The following ZNF695 variants were observed in gnomAD, a reference collection of about 807,000 sequenced individuals.
ZNF695 encodes zinc finger protein 695, also known as zinc finger protein SBZF3.
In ZNF695, 11 loss-of-function variants were observed where a neutral mutation model predicts 11.2. That is an observed-to-expected ratio of 0.98 (90% CI 0.62 to 1.62). The LOEUF (loss-of-function observed/expected upper bound fraction) is 1.62, where lower values mean the gene tolerates loss of function less well. Ranked by LOEUF, ZNF695 falls within the 40% of genes most tolerant of loss-of-function variation. ZNF695 has a pLI of 0.00. For missense variants in ZNF695, 559 were observed against 590.5 expected (o/e 0.95, Z 0.55); for synonymous variants, 190 against 201.4 (o/e 0.94, Z 0.48).
At position 246,992,308 on chromosome 1, in the gene ZNF695, C is replaced by A. The variant is rs559851354; in HGVS notation, c.260-4053G>T. On this transcript the variant is annotated intron_variant, in intron 3 of 3. Coordinates refer to ENST00000339986, the MANE Select transcript of ZNF695 (RefSeq NM_020394.5). Reference sequence around the variant, plus strand: ...AATAAGCCAGGCACAGAAAGACAAACATTACATGCTCTCACTTATTTGTGG... The same window carrying A: ...AATAAGCCAGGCACAGAAAGACAAAAATTACATGCTCTCACTTATTTGTGG... Among the ~76,000 whole-genome samples, 32 of 152,108 alleles carry A rather than the reference C, an allele frequency of 2.1e-4. No homozygotes were observed. The South Asian group carries it at 6.6e-3, about 32-fold the overall frequency.
chr1:246,949,344 A>G (rs1667814419), intron 5 of ZNF695, among the ~76,000 whole-genome samples: 1 of 152,012 alleles, frequency 6.6e-6, no homozygotes, highest in Non-Finnish European at 1.5e-5. Flanking sequence ...TAACCCCCAC[A>G]CTTTGGGCGG....
At chr1:246,994,797 A>G (rs1275932789) in intron 3 of ZNF695, among the ~76,000 whole-genome samples, 3 of 152,052 alleles carry the variant, frequency 2.0e-5, no homozygotes, top group Non-Finnish European at 2.9e-5. Flanking sequence ...AGATAGCCCC[A>G]CTGCACTTCA....
intron 4 of ZNF695, chr1:246,979,767 C>G (rs192309634): frequency 5.2e-4 from 79 of 152,726 alleles, no homozygotes; most frequent in African/African-American, 1.9e-3. Flanking sequence ...ATCCCCATTA[C>G]TAAATAATTT....
intron 5 of ZNF695, among the ~76,000 whole-genome samples, chr1:246,954,353 C>T (rs1366053561): frequency 6.6e-6 from 1 of 152,188 alleles, no homozygotes; most frequent in East Asian, 1.9e-4. Context: ...GCCAGCTGTT[C>T]CAGGGGAAAG....
chr1:246,996,285 G>T lies in ZNF695; in HGVS notation c.259+3063C>A, dbSNP rs547486280. 3.2e-4 allele frequency: 86 copies of T among 271,400 alleles called. No homozygotes were observed. The East Asian group carries it at 6.8e-3, about 21-fold the overall frequency. The allele number at this position is 271,400 out of a possible 1,614,324, so 16.8% of individuals were successfully genotyped here. On this transcript the variant is annotated intron_variant, in intron 3 of 3. Transcript: ENST00000339986. ...ATGGGAGATCACTTGAATCTGGAAG[G>T]TGGAGGCTGCAGTGAGCTGAAGTCG...
At chr1:246,992,229 G>T (rs1431564553) in intron 3 of ZNF695, among the ~76,000 whole-genome samples, 1 of 152,152 alleles carries the variant, frequency 6.6e-6, no homozygotes, top group Non-Finnish European at 1.5e-5. Flanking sequence ...GAAAGGATGA[G>T]ATCCTGTCAT....
At chr1:246,979,082 G>A (rs1422977314) in intron 4 of ZNF695, among the ~76,000 whole-genome samples, 3 of 152,090 alleles carry the variant, frequency 2.0e-5, no homozygotes, top group Admixed American at 6.6e-5. Context: ...TATCCATTCC[G>A]GGTATACACG....
chr1:247,001,928 G>T (rs1021998481), intron 1 of ZNF695, among the ~76,000 whole-genome samples: 3 of 152,002 alleles, frequency 2.0e-5, no homozygotes, highest in Non-Finnish European at 4.4e-5. Flanking sequence ...GACAGTATTA[G>T]ATCATCAAAG....
At chr1:246,957,843 A>AGGCT (rs1446643050) in intron 5 of ZNF695, among the ~76,000 whole-genome samples, 2 of 151,502 alleles carry the variant, frequency 1.3e-5, no homozygotes, top group Non-Finnish European at 2.9e-5. Flanking sequence ...CATGTTGCCC[A>AGGCT]GGCTGGTCCC....
chr1:246,961,057 G>A (rs1336571828), intron 5 of ZNF695, among the ~76,000 whole-genome samples: 2 of 152,196 alleles, frequency 1.3e-5, no homozygotes, highest in Admixed American at 1.3e-4. Context: ...TGGGCTTCCT[G>A]ACTTGATTCA....
intron 5 of ZNF695, among the ~76,000 whole-genome samples, chr1:246,958,267 C>A (rs1018960664): frequency 1.3e-5 from 2 of 151,964 alleles, no homozygotes; most frequent in Non-Finnish European, 2.9e-5. Context: ...ACCATGTTAG[C>A]CAGGATGTTC....
intron 3 of ZNF695, among the ~76,000 whole-genome samples, chr1:246,991,263 A>C (rs1669024414): frequency 6.6e-6 from 1 of 152,178 alleles, no homozygotes; most frequent in Non-Finnish European, 1.5e-5. Flanking sequence ...CAACCAAAAA[A>C]AAATGGACAA....
chr1:246,958,449 C>A (rs1013354237), intron 5 of ZNF695, among the ~76,000 whole-genome samples: 12 of 152,144 alleles, frequency 7.9e-5, no homozygotes, highest in African/African-American at 2.9e-4. Flanking sequence ...AATGAAGAAA[C>A]CTCCATTTAT....
Position 246,986,915 on chromosome 1 carries a change from G to C in ZNF695, c.*52C>G. 6.6e-7 allele frequency: 1 copy of C among 1,518,466 alleles called. No homozygotes were observed. Among genetic ancestry groups the C allele is most frequent in the Non-Finnish European group, 8.8e-7 (1 of 1,137,144 alleles). The allele number at this position is 1,518,466 out of a possible 1,614,324, so 94.1% of individuals were successfully genotyped here. On this transcript the variant is annotated 3_prime_UTR_variant, in exon 4 of 4. Transcript: ENST00000339986. ...AGTAAAAATATTCTGCTGTGAAGTTGTGAATAGGTATTAAAGACTATGCCA... is the reference window on the plus strand; with the variant it reads ...AGTAAAAATATTCTGCTGTGAAGTTCTGAATAGGTATTAAAGACTATGCCA...
downstream of ZNF695, among the ~76,000 whole-genome samples, chr1:246,984,555 C>G (rs932740258): frequency 6.6e-6 from 1 of 152,186 alleles, no homozygotes; most frequent in Non-Finnish European, 1.5e-5. Context: ...TACTACACAT[C>G]TGGCACTGCG....
intron 5 of ZNF695, among the ~76,000 whole-genome samples, chr1:246,962,817 C>T (rs185088334): frequency 2.0e-5 from 3 of 151,994 alleles, no homozygotes; most frequent in South Asian, 2.1e-4. Flanking sequence ...CTCAGCCTCC[C>T]GAGTAGTTGG....
At chr1:246,998,465 C>T (rs777566962) in intron 3 of ZNF695, among the ~76,000 whole-genome samples, 1 of 152,042 alleles carries the variant, frequency 6.6e-6, no homozygotes, top group Non-Finnish European at 1.5e-5. Context: ...TTTAAGTAAA[C>T]GACATTAGAT....
At chr1:246,948,275 T>C (rs1667788370) in intron 5 of ZNF695, among the ~76,000 whole-genome samples, 1 of 151,706 alleles carries the variant, frequency 6.6e-6, no homozygotes, top group Non-Finnish European at 1.5e-5. Context: ...GGTTTCACCA[T>C]GTTGGCCAGG....
downstream of ZNF695, among the ~76,000 whole-genome samples, chr1:246,980,935 T>C (rs1668693442): frequency 6.6e-6 from 1 of 152,188 alleles, no homozygotes; most frequent in African/African-American, 2.4e-5. Flanking sequence ...AAAAAGCTTC[T>C]GTACAGCACC....
Sources: gnomAD v4.1 joint callset for allele counts (sites outside exome capture counted in the v4.1 genomes callset) on GRCh38, gnomAD v4.1.1 for gene constraint, MANE v1.5 for transcripts, NCBI Gene and HGNC (gene_info 2026-07-23, HGNC 2026-07-21) for gene names.